RAB3B: variants seen among roughly 807,000 people sequenced by gnomAD.
RAB3B encodes ras-related protein Rab-3B.
RAB3B carries 11 observed loss-of-function variants against 20.5 expected under a neutral mutation model. That is an observed-to-expected ratio of 0.54 (90% confidence interval 0.34 to 0.89). RAB3B has a LOEUF of 0.89. Ranked by LOEUF, RAB3B falls within the 40% of genes least tolerant of loss-of-function variation. The probability of loss-of-function intolerance (pLI) is 0.02; values close to 1 mark genes in which losing one functional copy is unlikely to be tolerated. For synonymous variants in RAB3B, 99 were observed against 106.3 expected, an observed-to-expected ratio of 0.93 and a Z score of 0.42; for missense variants, 225 against 280.9, an observed-to-expected ratio of 0.80 and a Z score of 1.42.
intron 2 of RAB3B, among the ~76,000 whole-genome samples, chr1:51,942,827 C>G (rs973236317): frequency 6.6e-6 from 1 of 152,142 alleles, no homozygotes; most frequent in Non-Finnish European, 1.5e-5. Flanking sequence ...CTTCATGTCT[C>G]TGTGTCACAT....
chr1:51,988,807 C>T (rs1685181363), intron 1 of RAB3B, among the ~76,000 whole-genome samples: 1 of 152,088 alleles, frequency 6.6e-6, no homozygotes, highest in Admixed American at 6.5e-5. Flanking sequence ...TGATGCCTCC[C>T]TTCATGTCAT....
intron 1 of RAB3B, among the ~76,000 whole-genome samples, chr1:51,987,877 C>T (rs935723443): frequency 6.6e-6 from 1 of 152,016 alleles, no homozygotes; most frequent in African/African-American, 2.4e-5. Context: ...GTATTTTCTT[C>T]TCTTTTTCTT....
chr1:51,953,574 C>T (rs1320374888), intron 2 of RAB3B, among the ~76,000 whole-genome samples: 2 of 152,160 alleles, frequency 1.3e-5, no homozygotes, highest in Non-Finnish European at 2.9e-5. Context: ...GAGGCCAAGG[C>T]GGGCAGATCA....
In RAB3B at chr1:51,916,640, GT is replaced by G. The variant is rs1473821578; in HGVS notation, c.*3286del. 19 of 152,254 alleles carry G rather than the reference GT, an allele frequency of 1.2e-4. No individual in the cohort carries two copies. The highest frequency in any genetic ancestry group is 4.1e-4 in the African/African-American group (17 of 41,466). The allele number at this position is 152,254 out of a possible 1,614,324, so 9.4% of individuals were successfully genotyped here. A position where few individuals can be genotyped will look rare whatever the true frequency, so the allele number is the denominator to read the frequency against. On this transcript the variant is annotated 3_prime_UTR_variant, in exon 5 of 5. Coordinates refer to ENST00000371655, the MANE Select transcript of RAB3B (RefSeq NM_002867.4). ...TGCTGGAGCATAGAGGCTGTTCAAA[GT>G]GGAGCATGGAGGCTCCTGCTGATTG...
intron 2 of RAB3B, among the ~76,000 whole-genome samples, chr1:51,972,739 G>A (rs12127222): frequency 0.29 from 43,640 of 151,902 alleles, 7,875 homozygotes; most frequent in East Asian, 0.53. Flanking sequence ...GCTCTCATCA[G>A]ACATCAACCC....
chr1:51,984,840 C>T (rs769061141), intron 1 of RAB3B, among the ~76,000 whole-genome samples: 1 of 152,086 alleles, frequency 6.6e-6, no homozygotes, highest in Non-Finnish European at 1.5e-5. Flanking sequence ...TCTTTTATCT[C>T]TAAATAAACC....
At chr1:51,980,697 G>A (rs1011539453) in intron 1 of RAB3B, 8 of 756,138 alleles carry the variant, frequency 1.1e-5, no homozygotes, top group African/African-American at 3.4e-5. Flanking sequence ...ATTACTATGC[G>A]AGTTGTGCAA....
At chr1:51,985,981 A>T (rs1483235987) in intron 1 of RAB3B, among the ~76,000 whole-genome samples, 1 of 152,112 alleles carries the variant, frequency 6.6e-6, no homozygotes. Context: ...GGATTAAGGA[A>T]AACGAAAACC....
chr1:51,920,054 C>A lies in RAB3B; in HGVS notation c.533G>T (p.Arg178Leu). The A allele has an allele frequency of 6.2e-7, 1 of 1,614,116 alleles. No individual in the cohort carries two copies. Among genetic ancestry groups the A allele is most frequent in the Non-Finnish European group, 8.5e-7 (1 of 1,179,980 alleles). ...CTTGTCACAAATGGCATCCACCAGG[C>A]GCTCAAAGGCCTGCCTTACACTGAT... ...ENISVRQAFE[R>L]LVDAICDKMS... is the part of the protein sequence containing the mutation. Residue 178 changes from arginine (R) to leucine (L), a missense_variant, in exon 5 of 5, where the codon CGC becomes CTC. Transcript: ENST00000371655.
At chr1:51,989,583 A>G (rs966136932) in intron 1 of RAB3B, among the ~76,000 whole-genome samples, 3 of 149,562 alleles carry the variant, frequency 2.0e-5, no homozygotes, top group Non-Finnish European at 4.5e-5. Context: ...CACCCTATCT[A>G]TACACTCCAA....
At chr1:51,961,262 G>A (rs1322471270) in intron 2 of RAB3B, among the ~76,000 whole-genome samples, 1 of 152,146 alleles carries the variant, frequency 6.6e-6, no homozygotes, top group Non-Finnish European at 1.5e-5. Flanking sequence ...AAGTTGTAGT[G>A]GGACAGAGAG....
At chr1:51,923,005 CT>C (rs1684192762) in intron 4 of RAB3B, among the ~76,000 whole-genome samples, 1 of 152,112 alleles carries the variant, frequency 6.6e-6, no homozygotes, top group Non-Finnish European at 1.5e-5. Context: ...CCCACCAAGT[CT>C]TTATTGAGCA....
chr1:51,988,772 T>C (rs1685181126), intron 1 of RAB3B, among the ~76,000 whole-genome samples: 1 of 152,176 alleles, frequency 6.6e-6, no homozygotes, highest in Non-Finnish European at 1.5e-5. Context: ...AGGGGAAATC[T>C]ATTTAAATAT....
rs1243975917 is a variant in RAB3B, at chr1:51,935,321, C to T, written c.348-1879G>A. Among the ~76,000 whole-genome samples, 30 of 152,164 alleles carry T rather than the reference C, an allele frequency of 2.0e-4. 1 individual carries two copies. Among genetic ancestry groups the T allele is most frequent in the Non-Finnish European group, 1.5e-5 (1 of 68,028 alleles). On this transcript the variant is annotated intron_variant, in intron 3 of 4. Transcript: ENST00000371655. ...TCAAAGGATGGAATTCACTCAACCA[C>T]CACTTCTTGTGGGCCCACAGGAAAC... is the stretch of plus-strand genomic sequence containing the variant.
intron 1 of RAB3B, among the ~76,000 whole-genome samples, chr1:51,984,869 A>C (rs1261305559): frequency 6.6e-6 from 1 of 152,216 alleles, no homozygotes; most frequent in Non-Finnish European, 1.5e-5. Flanking sequence ...AAAGCTGGAA[A>C]GACGTGGATT....
chr1:51,951,475 C>T (rs985132955), intron 2 of RAB3B, among the ~76,000 whole-genome samples: 1 of 152,168 alleles, frequency 6.6e-6, no homozygotes, highest in Admixed American at 6.5e-5. Context: ...GACTCTACAT[C>T]CAGTGCTCTT....
At position 51,910,588 on chromosome 1, in the gene RAB3B, G is replaced by T. The variant is rs948430280; in HGVS notation, c.*9339C>A. On this transcript the variant is annotated 3_prime_UTR_variant, in exon 5 of 5. Transcript: ENST00000371655. ...GTGATGAGGGGGTCACACAGCCTTGGCTCTTTTCACTGTACCCGAAAAGAA... is the reference window on the plus strand; with the variant it reads ...GTGATGAGGGGGTCACACAGCCTTGTCTCTTTTCACTGTACCCGAAAAGAA... 1 of 152,102 alleles carries T rather than the reference G, an allele frequency of 6.6e-6. No individual in the cohort carries two copies. The highest frequency in any genetic ancestry group is 2.4e-5 in the African/African-American group (1 of 41,428). The allele number at this position is 152,102 out of a possible 1,614,324, so 9.4% of individuals were successfully genotyped here.
intron 2 of RAB3B, among the ~76,000 whole-genome samples, chr1:51,950,168 G>A (rs895776760): frequency 6.6e-6 from 1 of 152,204 alleles, no homozygotes; most frequent in African/African-American, 2.4e-5. Flanking sequence ...AGGAAAGGGT[G>A]GGCAAACAGG....
chr1:51,942,420 C>G (rs1684506658), intron 2 of RAB3B, among the ~76,000 whole-genome samples: 1 of 152,176 alleles, frequency 6.6e-6, no homozygotes, highest in African/African-American at 2.4e-5. Context: ...CAGTACGTAG[C>G]ACAGGGCTGT....
Sources: allele counts gnomAD v4.1 joint callset (sites outside exome capture counted in the v4.1 genomes callset), GRCh38; gene constraint gnomAD v4.1.1; transcripts MANE v1.5; gene names NCBI Gene and HGNC (gene_info 2026-07-23, HGNC 2026-07-21).